Variants in CACNA1E observed in about 807,000 individuals in gnomAD.
CACNA1E encodes voltage-dependent R-type calcium channel subunit alpha-1E.
A neutral mutation model predicts 259.2 loss-of-function variants in CACNA1E; 40 were observed. The ratio of observed to expected loss-of-function variants is 0.15; its 90% CI spans 0.12 to 0.20. CACNA1E has a LOEUF of 0.20. Ranked by LOEUF, CACNA1E falls within the 10% of genes least tolerant of loss-of-function variation. The pLI is 1.00. For synonymous variants in CACNA1E, 1,104 were observed against 1,138.5 expected (o/e 0.97, Z 0.61); for missense variants, 1,874 against 3,040.1 (o/e 0.62, Z 9.02).
intron 7 of CACNA1E, among the ~76,000 whole-genome samples, chr1:181,683,335 C>A (rs913960669): frequency 3.3e-5 from 5 of 152,332 alleles, no homozygotes; most frequent in South Asian, 2.1e-4. Flanking sequence ...TCACTTACTA[C>A]TGAATTGCAT....
intron 1 of CACNA1E, among the ~76,000 whole-genome samples, chr1:181,386,784 C>A (rs1655881565): frequency 6.6e-6 from 1 of 152,168 alleles, no homozygotes; most frequent in Non-Finnish European, 1.5e-5. Flanking sequence ...CCCATGTAGG[C>A]CCTTCTGCAA....
chr1:181,456,722 A>C (rs1661482339), intron 2 of CACNA1E, among the ~76,000 whole-genome samples: 3 of 152,188 alleles, frequency 2.0e-5, no homozygotes, highest in Admixed American at 2.0e-4. Context: ...GAAGGCACTA[A>C]GCAGCAGAAA....
At chr1:181,390,011 A>C (rs1200223289) in intron 1 of CACNA1E, among the ~76,000 whole-genome samples, 1 of 152,254 alleles carries the variant, frequency 6.6e-6, no homozygotes, top group African/African-American at 2.4e-5. Flanking sequence ...GTGCTTTGGC[A>C]TGGGACTGGT....
intron 1 of CACNA1E, among the ~76,000 whole-genome samples, chr1:181,331,183 G>C (rs566754097): frequency 6.6e-6 from 1 of 152,280 alleles, no homozygotes; most frequent in East Asian, 1.9e-4. Flanking sequence ...AAGTGTATTA[G>C]TTAGGGTTCC....
chr1:181,325,776 C>A (rs994070044), intron 1 of CACNA1E, among the ~76,000 whole-genome samples: 17 of 152,138 alleles, frequency 1.1e-4, no homozygotes, highest in Admixed American at 1.1e-3. Flanking sequence ...CACTGTCCAT[C>A]CGGAATTAAA....
At chr1:181,333,229 A>C (rs1651420223) in intron 1 of CACNA1E, among the ~76,000 whole-genome samples, 1 of 152,060 alleles carries the variant, frequency 6.6e-6, no homozygotes, top group Non-Finnish European at 1.5e-5. Context: ...AACACACTAG[A>C]AGTCTGTGGA....
At chr1:181,707,835 A>G (rs1251955269) in intron 7 of CACNA1E, among the ~76,000 whole-genome samples, 1 of 152,204 alleles carries the variant, frequency 6.6e-6, no homozygotes, top group Non-Finnish European at 1.5e-5. Flanking sequence ...ATTCTAGTCT[A>G]GGAAGATAGA....
intron 1 of CACNA1E, among the ~76,000 whole-genome samples, chr1:181,502,222 T>A (rs1427428519): frequency 6.6e-6 from 1 of 152,188 alleles, no homozygotes; most frequent in East Asian, 1.9e-4. Flanking sequence ...GTTCACCTTC[T>A]GTTGATCAGC....
chr1:181,686,541 C>T (rs140936751), intron 7 of CACNA1E, among the ~76,000 whole-genome samples: 1 of 152,078 alleles, frequency 6.6e-6, no homozygotes, highest in Admixed American at 6.6e-5. Flanking sequence ...CCTGCAGCAG[C>T]CTCCCAAAGT....
chr1:181,525,412 A>G (rs897379377), intron 3 of CACNA1E, among the ~76,000 whole-genome samples: 2 of 152,214 alleles, frequency 1.3e-5, no homozygotes, highest in East Asian at 1.9e-4. Context: ...AGCTTTGAAG[A>G]TAAGCATGAG....
In CACNA1E at chr1:181,743,046, T is replaced by A. The variant is rs188022181; in HGVS notation, c.3719+3793T>A. Among the ~76,000 whole-genome samples the A allele has an allele frequency of 2.0e-3, 307 of 152,278 alleles. 1 individual carries two copies. Among genetic ancestry groups the A allele is most frequent in the African/African-American group, 7.1e-3 (293 of 41,542 alleles). ...CTGTTCTTTCCAATTCACTTTTACG[T>A]TATAAGGCATTTATAAGAACACTCA... On this transcript the variant is annotated intron_variant, in intron 25 of 47. Transcript: ENST00000367573.
intron 39 of CACNA1E, among the ~76,000 whole-genome samples, chr1:181,782,623 C>T (rs1440152713): frequency 6.6e-6 from 1 of 152,166 alleles, no homozygotes; most frequent in Non-Finnish European, 1.5e-5. Context: ...GGAAGAGGTA[C>T]TTCCCTCTCT....
At chr1:181,632,588 C>T (rs78514556) in intron 6 of CACNA1E, among the ~76,000 whole-genome samples, 1 of 152,110 alleles carries the variant, frequency 6.6e-6, no homozygotes, top group Non-Finnish European at 1.5e-5. Flanking sequence ...CCATATATAA[C>T]CCACTTCCTG....
intron 2 of CACNA1E, among the ~76,000 whole-genome samples, chr1:181,462,836 T>A (rs1354972212): frequency 6.6e-6 from 1 of 152,246 alleles, no homozygotes; most frequent in Non-Finnish European, 1.5e-5. Flanking sequence ...CATACTGAGT[T>A]CATTATTTCA....
In CACNA1E at chr1:181,755,990, G is replaced by A. The variant is rs752972345; in HGVS notation, c.4024G>A (p.Glu1342Lys). 6.2e-7 allele frequency: 1 copy of A among 1,613,908 alleles called. No homozygotes were observed. Among genetic ancestry groups the A allele is most frequent in the Admixed American group, 1.7e-5 (1 of 60,022 alleles). The stretch of plus-strand genomic sequence containing the variant: ...TGTAGATCATGAGAAAAACAAGATG[G>A]AGGTGAAGGGCCGGGAATGGAAGCG... ...NYVDHEKNKM[E>K]VKGREWKRHE... The change falls in exon 29 of 48, where the codon GAG (glutamate) becomes AAG (lysine). Residue 1342 changes from glutamate (E) to lysine (K), a missense_variant. Around this residue, in one of 14 missense-constraint regions of CACNA1E, gnomAD observed 188 missense variants for 540.6 expected, o/e 0.35. Coordinates refer to ENST00000367573, the MANE Select transcript of CACNA1E (RefSeq NM_001205293.3).
At position 181,798,012 on chromosome 1, in the gene CACNA1E, A is replaced by C. The variant is rs114370819; in HGVS notation, c.6400-280A>C. Among the ~76,000 whole-genome samples the C allele has an allele frequency of 6.6e-6, 1 of 152,172 alleles. No individual in the cohort carries two copies. The highest frequency in any genetic ancestry group is 2.4e-5 in the African/African-American group (1 of 41,436). On this transcript the variant is annotated intron_variant, in intron 47 of 47. Coordinates refer to ENST00000367573, the MANE Select transcript of CACNA1E (RefSeq NM_001205293.3). This position sits in a 1 kb window ranked among gnomAD's most constrained non-coding sequence, Gnocchi z 4.2. ...CACCTGGAAGCTTGTTAGAAATGCAAAATCTCAGTCCTTGCCCCAGATCTT... is the reference window on the plus strand; with the variant it reads ...CACCTGGAAGCTTGTTAGAAATGCACAATCTCAGTCCTTGCCCCAGATCTT...
chr1:181,487,050 A>G (rs1393789691), intron 1 of CACNA1E, among the ~76,000 whole-genome samples: 3 of 150,362 alleles, frequency 2.0e-5, no homozygotes, highest in African/African-American at 7.4e-5. Context: ...TAAGAAAGGA[A>G]GGTTGTTCAG....
chr1:181,345,311 G>A (rs892793572), intron 1 of CACNA1E, among the ~76,000 whole-genome samples: 1 of 152,214 alleles, frequency 6.6e-6, no homozygotes, highest in Non-Finnish European at 1.5e-5. Context: ...ACAGACCCTG[G>A]GGTGAGATGA....
intron 18 of CACNA1E, among the ~76,000 whole-genome samples, chr1:181,729,150 G>A (rs1331220444): frequency 3.4e-5 from 5 of 146,318 alleles, no homozygotes; most frequent in South Asian, 4.5e-4. Context: ...CTGCACAGAT[G>A]TGTGAACATT....
Sources: allele counts gnomAD v4.1 joint callset (sites outside exome capture counted in the v4.1 genomes callset), GRCh38; gene constraint gnomAD v4.1.1; regional missense constraint gnomAD v4.1.1; non-coding constraint Gnocchi (gnomAD v3.1); transcripts MANE v1.5; gene names NCBI Gene and HGNC (gene_info 2026-07-23, HGNC 2026-07-21).